GPR137: variants seen among roughly 807,000 people sequenced by gnomAD.
The protein encoded by GPR137 is G protein-coupled receptor 137, also known as integral membrane protein GPR137.
A neutral mutation model predicts 38.9 loss-of-function variants in GPR137; 20 were observed. That is an observed-to-expected ratio of 0.51 (90% confidence interval 0.36 to 0.75). The LOEUF is 0.75. GPR137 is among the 30% of genes least tolerant of loss of function. The pLI, the probability that GPR137 is intolerant of heterozygous loss-of-function variation, is 0.00. For synonymous variants in GPR137, 226 were observed against 235.8 expected (o/e 0.96, Z 0.38); for missense variants, 456 against 526.4 (o/e 0.87, Z 1.31).
At chr11:64,287,658 G>A (rs2034252675) in intron 2 of GPR137, 63 bp from the exon 3 acceptor site, 2 of 1,589,466 alleles carry the variant, frequency 1.3e-6, no homozygotes, top group East Asian at 2.2e-5. Context: ...CCTGCAGGAG[G>A]TGGGGCAGGT....
chr11:64,286,754 TCTC>T lies in GPR137; in HGVS notation c.233_235del (p.Ser78del), dbSNP rs781049328. On this transcript the variant is annotated inframe_deletion, in exon 1 of 7. Coordinates refer to ENST00000438980, the MANE Select transcript of GPR137 (RefSeq NM_001170880.2). ...TGGGCCGCCTTGCGTACCACCCTCT[TCTC>T]CTTCTACTTCCGAGATACTCCCCGC... 3.1e-6 allele frequency: 5 copies of T among 1,612,316 alleles called. No individual in the cohort carries two copies. Among genetic ancestry groups the T allele is most frequent in the East Asian group, 4.5e-5 (2 of 44,798 alleles).
rs1319943970 is a variant in GPR137, at chr11:64,276,708, G to A, written c.-16+287G>A. ...CTGTGAATTCCCTGGGGGAAGGAGAGGGCTGGGGCAGGGCCTGGGCCAGAC... is the reference window on the plus strand; with the variant it reads ...CTGTGAATTCCCTGGGGGAAGGAGAAGGCTGGGGCAGGGCCTGGGCCAGAC... On this transcript the variant is annotated intron_variant, in intron 2 of 2. Transcript: ENST00000538244. 11 of 555,598 alleles carry A rather than the reference G, an allele frequency of 2.0e-5. No individual in the cohort carries two copies. The East Asian group carries it at 3.1e-4, about 16-fold the overall frequency. The allele number at this position is 555,598 out of a possible 1,614,324, so 34.4% of individuals were successfully genotyped here.
At chr11:64,270,932 C>T (rs534660640), upstream of GPR137, among the ~76,000 whole-genome samples, 15 of 92,654 alleles carry the variant, frequency 1.6e-4, no homozygotes, top group Non-Finnish European at 1.5e-4. Flanking sequence ...CACACACACA[C>T]GCCTGGAGTG....
In GPR137 at chr11:64,286,028, C is replaced by A; in HGVS notation, c.-497C>A. 1 of 985,724 alleles carries A rather than the reference C, an allele frequency of 1.0e-6. No individual in the cohort carries two copies. The highest frequency in any genetic ancestry group is 1.2e-6 in the Non-Finnish European group (1 of 829,950). The allele number at this position is 985,724 out of a possible 1,614,324, so 61.1% of individuals were successfully genotyped here. The stretch of plus-strand genomic sequence containing the variant: ...GAATTACGAGGACAGGAGGCAGAGG[C>A]CCTCCCCATCCGCATTATTGGAGGA... On this transcript the variant is annotated 5_prime_UTR_variant, in exon 1 of 7. Transcript: ENST00000438980.
chr11:64,277,031 TACGAAGTTCTC>T, intron 2 of GPR137: 1 of 715,122 alleles, frequency 1.4e-6, no homozygotes, highest in East Asian at 2.7e-5. Flanking sequence ...AGAAGGAGAA[TACGAAGTTCTC>T]CCTGTTTTAT....
At chr11:64,281,843 C>T (rs1032640131), upstream of GPR137, among the ~76,000 whole-genome samples, 3 of 152,216 alleles carry the variant, frequency 2.0e-5, no homozygotes, top group Admixed American at 6.5e-5. Context: ...GCCTCAGCCT[C>T]CCGAGTAGCT....
chr11:64,284,142 G>A (rs1416004523), upstream of GPR137: 4 of 1,532,210 alleles, frequency 2.6e-6, no homozygotes, highest in Admixed American at 2.0e-5. Flanking sequence ...GTGGGCTGGG[G>A]GTGAGGTGTC....
chr11:64,287,973 T>G, intron 3 of GPR137, 27 bp downstream of exon 3: 1 of 1,601,252 alleles, frequency 6.2e-7, no homozygotes, highest in Non-Finnish European at 8.5e-7. Context: ...GATGCCCAGG[T>G]GTCTTTTGGG....
chr11:64,271,281 C>G (rs1259733303), upstream of GPR137, among the ~76,000 whole-genome samples: 2 of 32,032 alleles, frequency 6.2e-5, no homozygotes, highest in African/African-American at 2.3e-4. Flanking sequence ...CAGATCCCAG[C>G]ATGCCCTGTG....
chr11:64,274,737 C>A (rs879445222), upstream of GPR137, among the ~76,000 whole-genome samples: 2 of 151,966 alleles, frequency 1.3e-5, no homozygotes, highest in African/African-American at 2.4e-5. Flanking sequence ...GGGAGAATCA[C>A]TTGAACCCAG....
upstream of GPR137, among the ~76,000 whole-genome samples, chr11:64,282,479 G>A (rs1408771440): frequency 6.6e-6 from 1 of 152,068 alleles, no homozygotes; most frequent in Non-Finnish European, 1.5e-5. Context: ...ATGCACCTGT[G>A]GTCCCAGCTG....
chr11:64,280,009 C>G (rs991556140), upstream of GPR137, among the ~76,000 whole-genome samples: 3 of 151,784 alleles, frequency 2.0e-5, no homozygotes, highest in South Asian at 6.2e-4. Flanking sequence ...CATAGCAAGA[C>G]CTTGTCTCTA....
upstream of GPR137, chr11:64,284,614 C>T: frequency 1.3e-6 from 2 of 1,504,664 alleles, no homozygotes; most frequent in African/African-American, 1.4e-5. Flanking sequence ...CCCGTGGTGA[C>T]GGCGCACAGG....
At chr11:64,284,872 C>T (rs2033779350), upstream of GPR137, 1 of 1,482,118 alleles carries the variant, frequency 6.7e-7, no homozygotes, top group Non-Finnish European at 8.9e-7. Flanking sequence ...GGCTCACATC[C>T]TCGCTGCCTC....
chr11:64,284,836 CT>C, upstream of GPR137: 5 of 1,510,524 alleles, frequency 3.3e-6, no homozygotes, highest in Admixed American at 2.1e-5. Context: ...CGTCCGCATC[CT>C]TTTTCCTCCC....
At position 64,288,910 on chromosome 11, in the gene GPR137, G is replaced by C; in HGVS notation, c.1032-127G>C. On this transcript the variant is annotated intron_variant, in intron 6 of 6. Transcript: ENST00000438980. This position sits in a 1 kb window ranked among gnomAD's most constrained non-coding sequence, Gnocchi z 5.5. ...AAGCCTCCACCTCTTGCCTAGAGAT[G>C]TACTTTGTCCTGGGCCCCGAAGGTC... 6.9e-7 allele frequency: 1 copy of C among 1,441,450 alleles called. No homozygotes were observed. Among genetic ancestry groups the C allele is most frequent in the Non-Finnish European group, 9.1e-7 (1 of 1,102,602 alleles). 89.3% of individuals were successfully genotyped at this position (1,441,450 alleles called of 1,614,324 possible). A position where few individuals can be genotyped will look rare whatever the true frequency, so the allele number is the denominator to read the frequency against.
At chr11:64,277,813 G>A (rs1279836404) in intron 2 of GPR137, among the ~76,000 whole-genome samples, 2 of 152,144 alleles carry the variant, frequency 1.3e-5, no homozygotes, top group African/African-American at 2.4e-5. Context: ...AGTGGGCCAC[G>A]TGGTCTCTGT....
chr11:64,272,849 C>T (rs1341606952), upstream of GPR137: 1 of 152,274 alleles, frequency 6.6e-6, no homozygotes, highest in African/African-American at 2.4e-5. Context: ...CTCTCTTAGC[C>T]TGTGTCCTCA....
At chr11:64,284,796 C>A, upstream of GPR137, 1 of 1,529,388 alleles carries the variant, frequency 6.5e-7, no homozygotes, top group Non-Finnish European at 8.7e-7. Flanking sequence ...CCCGGCCCGG[C>A]CCCGCCCCCC....
Sources: allele counts gnomAD v4.1 joint callset (sites outside exome capture counted in the v4.1 genomes callset), GRCh38; gene constraint gnomAD v4.1.1; non-coding constraint Gnocchi (gnomAD v3.1); transcripts MANE v1.5; gene names NCBI Gene and HGNC (gene_info 2026-07-23, HGNC 2026-07-21).